The following ASAP2 variants were observed in gnomAD, a reference collection of about 807,000 sequenced individuals.
The protein encoded by ASAP2 is arf-GAP with SH3 domain, ANK repeat and PH domain-containing protein 2.
Under a neutral mutation model 131.4 loss-of-function variants are expected in ASAP2, and 45 were observed. That is an observed-to-expected ratio of 0.34 (90% CI 0.27 to 0.44). The LOEUF (loss-of-function observed/expected upper bound fraction) is 0.44, where lower values mean the gene tolerates loss of function less well. Among genes scored for constraint, ASAP2 ranks in the 20% least tolerant of loss-of-function variants. The probability of loss-of-function intolerance (pLI) is 1.00; values close to 1 mark genes in which losing one functional copy is unlikely to be tolerated. For synonymous variants in ASAP2, 510 were observed against 503.0 expected (o/e 1.01, Z -0.19); for missense variants, 1,011 against 1,297.0 (o/e 0.78, Z 3.39).
chr2:9,309,763 C>T (rs931620866), intron 3 of ASAP2, among the ~76,000 whole-genome samples: 1 of 152,238 alleles, frequency 6.6e-6, no homozygotes, highest in Non-Finnish European at 1.5e-5. Context: ...TCTAGCAAGT[C>T]TCTAGCCACA....
intron 17 of ASAP2, 133 bp downstream of exon 17, chr2:9,375,077 C>T: frequency 1.7e-6 from 1 of 603,318 alleles, no homozygotes; most frequent in Non-Finnish European, 2.6e-6. Context: ...TGAGATCAGC[C>T]TGGGCACCAT....
chr2:9,319,145 C>T (rs183557889), intron 4 of ASAP2, among the ~76,000 whole-genome samples: 331 of 152,272 alleles, frequency 2.2e-3, no homozygotes, highest in Non-Finnish European at 3.7e-3. Flanking sequence ...CTCATGAGCA[C>T]GCAGGCCAGG....
chr2:9,307,949 T>TGTGTGCATGCATATGTGTAC (rs1187531291), intron 3 of ASAP2, among the ~76,000 whole-genome samples: 3 of 152,112 alleles, frequency 2.0e-5, no homozygotes, highest in African/African-American at 7.2e-5. Flanking sequence ...TGTGCTTGTC[T>TGTGTGCATGCATATGTGTAC]GTGTGCATGC....
chr2:9,398,450 T>TGCGGTGAACTGATTGCC (rs1421885000), intron 24 of ASAP2, among the ~76,000 whole-genome samples: 1 of 152,076 alleles, frequency 6.6e-6, no homozygotes, highest in African/African-American at 2.4e-5. Flanking sequence ...GTTCCGAGGC[T>TGCGGTGAACTGATTGCC]GCGGTGAACT....
In ASAP2 at chr2:9,217,613, G is replaced by GTT. The variant is rs1243788575; in HGVS notation, c.126+10388_126+10389dup. Among the ~76,000 whole-genome samples, 3 of 123,796 alleles carry GTT rather than the reference G, an allele frequency of 2.4e-5. No individual in the cohort carries two copies. Among genetic ancestry groups the GTT allele is most frequent in the African/African-American group, 6.5e-5 (2 of 30,582 alleles). 81.2% of individuals were successfully genotyped at this position (123,796 alleles called of 152,430 possible). A position where few individuals can be genotyped will look rare whatever the true frequency, so the allele number is the denominator to read the frequency against. Reference sequence around the variant, plus strand: ...ATGTTCTTCTTAGAGGTATGTTTTTGTTTTTTGTTTTTTTTTTTGAGACGG... The same window carrying GTT: ...ATGTTCTTCTTAGAGGTATGTTTTTGTTTTTTTTGTTTTTTTTTTTGAGACGG... On this transcript the variant is annotated intron_variant, in intron 1 of 27. Coordinates refer to ENST00000281419, the MANE Select transcript of ASAP2 (RefSeq NM_003887.3). The surrounding 1 kb of genome is among the most constrained non-coding windows in gnomAD (Gnocchi z 4.0).
At chr2:9,221,735 A>G (rs1371538595) in intron 1 of ASAP2, among the ~76,000 whole-genome samples, 2 of 152,182 alleles carry the variant, frequency 1.3e-5, no homozygotes, top group Non-Finnish European at 2.9e-5. Context: ...AATATGCAAA[A>G]TATCATCTGC....
chr2:9,326,920 G>A (rs1253067476), intron 6 of ASAP2, among the ~76,000 whole-genome samples: 1 of 152,144 alleles, frequency 6.6e-6, no homozygotes, highest in Non-Finnish European at 1.5e-5. Context: ...ATTCCTGGGA[G>A]TAGAATTTCT....
At chr2:9,274,944 G>A (rs1310073330) in intron 1 of ASAP2, among the ~76,000 whole-genome samples, 3 of 152,066 alleles carry the variant, frequency 2.0e-5, no homozygotes, top group Non-Finnish European at 2.9e-5. Flanking sequence ...GATCAGGGAC[G>A]GGTGTGTCCC....
At chr2:9,231,526 C>T (rs1297292995) in intron 1 of ASAP2, among the ~76,000 whole-genome samples, 3 of 152,210 alleles carry the variant, frequency 2.0e-5, no homozygotes, top group Non-Finnish European at 4.4e-5. Context: ...TGCCACCTCC[C>T]GGAGGCCAGC....
At chr2:9,377,100 C>A in intron 18 of ASAP2, 107 bp downstream of exon 18, 1 of 976,170 alleles carries the variant, frequency 1.0e-6, no homozygotes, top group Non-Finnish European at 1.6e-6. Context: ...GAGAACCTTC[C>A]CAGTTCTAAA....
At chr2:9,303,132 T>A (rs1668603290) in intron 3 of ASAP2, among the ~76,000 whole-genome samples, 1 of 152,236 alleles carries the variant, frequency 6.6e-6, no homozygotes, top group African/African-American at 2.4e-5. Context: ...ATGTCTTACT[T>A]TGTTTTTTAA....
At chr2:9,398,784 G>A (rs1022688359) in intron 24 of ASAP2, 3 of 151,246 alleles carry the variant, frequency 2.0e-5, no homozygotes, top group Admixed American at 6.6e-5. Flanking sequence ...ACTCTAACCC[G>A]GGTGACAGTG....
chr2:9,252,732 G>A (rs1388788355), intron 1 of ASAP2, among the ~76,000 whole-genome samples: 4 of 151,894 alleles, frequency 2.6e-5, no homozygotes, highest in African/African-American at 4.8e-5. Flanking sequence ...TGGCTAACAC[G>A]GTGAAACCCT....
At chr2:9,313,443 T>G (rs1010345214) in intron 3 of ASAP2, among the ~76,000 whole-genome samples, 8 of 152,218 alleles carry the variant, frequency 5.3e-5, no homozygotes, top group African/African-American at 1.9e-4. Flanking sequence ...GTACTCCCGC[T>G]TCATGAAAAA....
At position 9,207,752 on chromosome 2, in the gene ASAP2, G is replaced by A. The variant is rs1385587841; in HGVS notation, c.126+522G>A. On this transcript the variant is annotated intron_variant, in intron 1 of 27. Transcript: ENST00000281419. This position sits in a 1 kb window ranked among gnomAD's most constrained non-coding sequence, Gnocchi z 4.1. ...AAGGCGTGCCCGCCTCAGCCAGGGC[G>A]GCCTGGCTGCGCTCCACCCGTGCCC... is the stretch of plus-strand genomic sequence containing the variant. Among the ~76,000 whole-genome samples, 8 of 152,112 alleles carry A rather than the reference G, an allele frequency of 5.3e-5. No individual in the cohort carries two copies. Among genetic ancestry groups the A allele is most frequent in the Non-Finnish European group, 1.0e-4 (7 of 68,004 alleles).
At chr2:9,246,537 C>T (rs1484931823) in intron 1 of ASAP2, among the ~76,000 whole-genome samples, 2 of 152,174 alleles carry the variant, frequency 1.3e-5, no homozygotes, top group African/African-American at 2.4e-5. Context: ...AACAATCAGC[C>T]TTGGCCTCCC....
At position 9,385,236 on chromosome 2, in the gene ASAP2, T is replaced by A; in HGVS notation, c.2017-9T>A. On this transcript the variant is annotated splice_polypyrimidine_tract_variant and intron_variant, in intron 20 of 27. Transcript: ENST00000281419. The stretch of plus-strand genomic sequence containing the variant: ...AGCAACAGCACTGACCATCCCTCTG[T>A]TCTCTCAGCTGACCCAAGCCTTATC... The A allele has an allele frequency of 6.2e-7, 1 of 1,602,258 alleles. No individual in the cohort carries two copies. The highest frequency in any genetic ancestry group is 1.1e-5 in the South Asian group (1 of 90,778).
intron 1 of ASAP2, among the ~76,000 whole-genome samples, chr2:9,266,065 G>A (rs1665920362): frequency 6.6e-6 from 1 of 151,830 alleles, no homozygotes; most frequent in South Asian, 2.1e-4. Context: ...GATTACAGGT[G>A]TGAGCCACCA....
chr2:9,302,661 GAC>G (rs1668575656), intron 3 of ASAP2, among the ~76,000 whole-genome samples: 1 of 152,086 alleles, frequency 6.6e-6, no homozygotes, highest in South Asian at 2.1e-4. Flanking sequence ...TTTTAGTACA[GAC>G]GGGGTTTCTC....
Sources: allele counts gnomAD v4.1 joint callset (sites outside exome capture counted in the v4.1 genomes callset), GRCh38; gene constraint gnomAD v4.1.1; non-coding constraint Gnocchi (gnomAD v3.1); transcripts MANE v1.5; gene names NCBI Gene and HGNC (gene_info 2026-07-23, HGNC 2026-07-21).